The following NMNAT3 variants were observed in gnomAD, a reference collection of about 807,000 sequenced individuals.
NMNAT3 encodes the protein nicotinamide nucleotide adenylyltransferase 3.
NMNAT3 carries 21 observed loss-of-function variants against 24.8 expected under a neutral mutation model. The observed-to-expected ratio is 0.85, with a 90% CI of 0.60 to 1.22. The LOEUF (loss-of-function observed/expected upper bound fraction) is 1.22, where lower values mean the gene tolerates loss of function less well. NMNAT3 is among the 50% of genes most tolerant of loss of function. The pLI, the probability that NMNAT3 is intolerant of heterozygous loss-of-function variation, is 0.00. For synonymous variants in NMNAT3, 136 were observed against 155.2 expected, an observed-to-expected ratio of 0.88 and a Z score of 0.92; for missense variants, 387 against 436.6, an observed-to-expected ratio of 0.89 and a Z score of 1.01.
Position 139,561,002 on chromosome 3 carries a change from C to CT in NMNAT3, c.*7_*8insA. 2.5e-6 allele frequency: 4 copies of CT among 1,604,170 alleles called. No homozygotes were observed. Among genetic ancestry groups the CT allele is most frequent in the Non-Finnish European group, 2.6e-6 (3 of 1,173,672 alleles). On this transcript the variant is annotated 3_prime_UTR_variant, in exon 7 of 7. Transcript: ENST00000643695. ...TTGGAGGAGGTGTGGGTGCTGAGTC[C>CT]CCCCTCCCTAGCTTGTCTTGCCCTC...
intron 3 of NMNAT3, among the ~76,000 whole-genome samples, chr3:139,620,901 C>T (rs2055739935): frequency 6.6e-6 from 1 of 152,132 alleles, no homozygotes; most frequent in African/African-American, 2.4e-5. Context: ...TCATGTAATC[C>T]TCTTGCCTCA....
At chr3:139,623,533 AT>A (rs2055897187) in intron 3 of NMNAT3, among the ~76,000 whole-genome samples, 1 of 152,160 alleles carries the variant, frequency 6.6e-6, no homozygotes, top group Admixed American at 6.6e-5. Flanking sequence ...ATTTATTACC[AT>A]TATCAATTAT....
intron 5 of NMNAT3, among the ~76,000 whole-genome samples, chr3:139,577,546 A>G (rs1224532895): frequency 6.6e-6 from 1 of 152,210 alleles, no homozygotes; most frequent in East Asian, 1.9e-4. Flanking sequence ...GTTTCTGCCT[A>G]CATATTAAAG....
At chr3:139,571,676 GGA>G (rs1405870899) in intron 6 of NMNAT3, among the ~76,000 whole-genome samples, 1 of 152,142 alleles carries the variant, frequency 6.6e-6, no homozygotes, top group East Asian at 1.9e-4. Context: ...TTTGGCAGAG[GGA>G]GAGAGTTCAT....
chr3:139,573,741 G>C, intron 5 of NMNAT3, 61 bp from the exon 6 acceptor site: 1 of 932,590 alleles, frequency 1.1e-6, no homozygotes, highest in Non-Finnish European at 1.6e-6. Context: ...AGCCACCCAG[G>C]GATTTTCAGA....
intron 1 of NMNAT3, among the ~76,000 whole-genome samples, chr3:139,675,570 C>A (rs562714241): frequency 6.6e-6 from 1 of 152,334 alleles, no homozygotes; most frequent in East Asian, 1.9e-4. Context: ...ACACCCCTCT[C>A]TGCTGCCAGG....
chr3:139,566,481 T>C (rs998398114), intron 6 of NMNAT3: 4 of 152,176 alleles, frequency 2.6e-5, no homozygotes, highest in Non-Finnish European at 5.9e-5. Flanking sequence ...TCTTCTAGGG[T>C]TTTTATGGTT....
At chr3:139,622,088 G>A (rs892243950) in intron 3 of NMNAT3, among the ~76,000 whole-genome samples, 1 of 151,898 alleles carries the variant, frequency 6.6e-6, no homozygotes, top group Non-Finnish European at 1.5e-5. Context: ...TTTTCCTTTG[G>A]GTAGATACCT....
intron 2 of NMNAT3, chr3:139,634,314 C>T (rs1165372204): frequency 6.6e-6 from 1 of 152,234 alleles, no homozygotes; most frequent in East Asian, 1.9e-4. Flanking sequence ...GAAAACATCC[C>T]TGTTTATTAT....
At chr3:139,636,542 A>G (rs1473808530) in intron 2 of NMNAT3, 2 of 152,166 alleles carry the variant, frequency 1.3e-5, no homozygotes, top group Non-Finnish European at 2.9e-5. Context: ...CATTTGCCAT[A>G]TGGCTTGGCA....
At chr3:139,579,156 G>A (rs944119202) in intron 4 of NMNAT3, 101 bp from the exon 5 acceptor site, 2 of 941,486 alleles carry the variant, frequency 2.1e-6, no homozygotes, top group South Asian at 3.2e-5. Context: ...GCCTCATCCT[G>A]AGTGGTAGTA....
intron 1 of NMNAT3, among the ~76,000 whole-genome samples, chr3:139,664,929 T>C (rs2057529104): frequency 6.6e-6 from 1 of 152,152 alleles, no homozygotes; most frequent in Non-Finnish European, 1.5e-5. Flanking sequence ...GCAAAAACAA[T>C]AAGAGTCTGA....
At chr3:139,599,599 TACAA>T (rs1243390161) in intron 3 of NMNAT3, 6 of 588,218 alleles carry the variant, frequency 1.0e-5, no homozygotes, top group East Asian at 2.8e-5. Flanking sequence ...TGCATGCCTT[TACAA>T]ACAGACTGTT....
chr3:139,601,842 A>T (rs1472617083), intron 3 of NMNAT3, among the ~76,000 whole-genome samples: 1 of 152,250 alleles, frequency 6.6e-6, no homozygotes, highest in East Asian at 1.9e-4. Context: ...AGGATGGGAC[A>T]TTGAAACTGA....
chr3:139,583,638 T>C (rs1441552153), intron 3 of NMNAT3: 2 of 978,466 alleles, frequency 2.0e-6, no homozygotes, highest in Non-Finnish European at 3.3e-6. Flanking sequence ...AAAACACATA[T>C]CATCTGAAGC....
At position 139,561,317 on chromosome 3, in the gene NMNAT3, G is replaced by T; in HGVS notation, c.734C>A (p.Ala245Glu). Reference sequence around the variant, plus strand: ...CTTCTCCACTATTTCCTGGATGTGCGCATCCTTCCAGAGGTTGGGGGTCTG... The same window carrying T: ...CTTCTCCACTATTTCCTGGATGTGCTCATCCTTCCAGAGGTTGGGGGTCTG... The change falls in exon 7 of 7, where the codon GCG becomes GAG. Residue 245 changes from alanine to glutamate, a missense_variant. Transcript: ENST00000643695. 6.2e-7 allele frequency: 1 copy of T among 1,613,918 alleles called. No individual in the cohort carries two copies.
chr3:139,598,345 G>C (rs1183525230), intron 3 of NMNAT3, among the ~76,000 whole-genome samples: 1 of 152,132 alleles, frequency 6.6e-6, no homozygotes, highest in Non-Finnish European at 1.5e-5. Context: ...GTGATACTTT[G>C]TGACTTCTGA....
chr3:139,563,163 A>C (rs1455498159), intron 6 of NMNAT3, among the ~76,000 whole-genome samples: 2 of 152,214 alleles, frequency 1.3e-5, no homozygotes, highest in African/African-American at 4.8e-5. Flanking sequence ...AGCATTTAAC[A>C]ATTATTCAGT....
At chr3:139,594,159 T>C (rs947121605) in intron 3 of NMNAT3, among the ~76,000 whole-genome samples, 2 of 152,164 alleles carry the variant, frequency 1.3e-5, no homozygotes, top group African/African-American at 4.8e-5. Context: ...AAATACAAAC[T>C]ACCATCAGAG....
Sources: allele counts gnomAD v4.1 joint callset (sites outside exome capture counted in the v4.1 genomes callset), GRCh38; gene constraint gnomAD v4.1.1; transcripts MANE v1.5; gene names NCBI Gene and HGNC (gene_info 2026-07-23, HGNC 2026-07-21).